The following PPARGC1B variants were observed in gnomAD, a reference collection of about 807,000 sequenced individuals.
The protein encoded by PPARGC1B is peroxisome proliferator-activated receptor gamma coactivator 1-beta.
A neutral mutation model predicts 101.6 loss-of-function variants in PPARGC1B; 34 were observed. The ratio of observed to expected loss-of-function variants is 0.33; its 90% CI spans 0.25 to 0.45. PPARGC1B has a LOEUF of 0.45. PPARGC1B is among the 20% of genes least tolerant of loss of function. The pLI, the probability that PPARGC1B is intolerant of heterozygous loss-of-function variation, is 1.00. For missense variants in PPARGC1B, 1,234 were observed against 1,317.6 expected (o/e 0.94, Z 0.98); for synonymous variants, 548 against 539.3 (o/e 1.02, Z -0.22).
rs533018193 is a variant in PPARGC1B, at chr5:149,826,860, C to A, written c.440C>A (p.Ala147Asp). 6.2e-6 allele frequency: 10 copies of A among 1,612,578 alleles called. No individual in the cohort carries two copies. In the African/African-American group the frequency reaches 1.3e-4, roughly 21 times the overall value. The change falls in exon 3 of 12, where the codon GCC becomes GAC. Residue 147 changes from alanine (A) to aspartate (D), a missense_variant. By Grantham distance (126) the Ala-to-Asp change is moderately radical (BLOSUM62 -2). Around this residue, in one of 3 missense-constraint regions of PPARGC1B, gnomAD observed 734 missense variants for 768.4 expected, o/e 0.96. Coordinates refer to ENST00000309241, the MANE Select transcript of PPARGC1B (RefSeq NM_133263.4). ...SPAPEKPSAP[A>D]PEVDELSLLQ... ...GCCCCGGAGAAGCCCTCGGCCCCAG[C>A]CCCTGAGGTGGACGAGCTCTCACTG... is the stretch of plus-strand genomic sequence containing the variant.
At position 149,837,800 on chromosome 5, in the gene PPARGC1B, A is replaced by G. The variant is rs1020586668; in HGVS notation, c.2618+727A>G. On this transcript the variant is annotated intron_variant, in intron 8 of 11. Coordinates refer to ENST00000309241, the MANE Select transcript of PPARGC1B (RefSeq NM_133263.4). The surrounding 1 kb of genome is among the most constrained non-coding windows in gnomAD (Gnocchi z 4.2). Reference sequence around the variant, plus strand: ...AGTGGGTCCTGATTCTCCCTGGGGAAGGCTTGAGGACAGTCAGTGTCATCA... The same window carrying G: ...AGTGGGTCCTGATTCTCCCTGGGGAGGGCTTGAGGACAGTCAGTGTCATCA... Among the ~76,000 whole-genome samples the G allele has an allele frequency of 6.6e-6, 1 of 152,174 alleles. No homozygotes were observed. The highest frequency in any genetic ancestry group is 2.4e-5 in the African/African-American group (1 of 41,440).
chr5:149,732,878 A>G (rs777841574), intron 1 of PPARGC1B: 2 of 468,966 alleles, frequency 4.3e-6, no homozygotes, highest in African/African-American at 2.0e-5. Context: ...CTGGACTTGG[A>G]GTCAGAAGGC....
At chr5:149,803,756 G>T (rs1224998982) in intron 1 of PPARGC1B, among the ~76,000 whole-genome samples, 1 of 152,202 alleles carries the variant, frequency 6.6e-6, no homozygotes, top group Non-Finnish European at 1.5e-5. Context: ...GAGAAGAAGG[G>T]AGTGTGGAAA....
chr5:149,835,472 G>A (rs372108586), intron 7 of PPARGC1B, 107 bp downstream of exon 7: 1 of 966,152 alleles, frequency 1.0e-6, no homozygotes. Flanking sequence ...CGATGCGCAA[G>A]ATGCCTGCCT....
At chr5:149,818,874 G>A (rs949201509) in intron 1 of PPARGC1B, 8 of 456,360 alleles carry the variant, frequency 1.8e-5, no homozygotes, top group Non-Finnish European at 2.6e-5. Context: ...TGTTGTCCAC[G>A]TTTTACAGAT....
chr5:149,856,771 CTT>C (rs562000427), downstream of PPARGC1B, among the ~76,000 whole-genome samples: 213 of 129,066 alleles, frequency 1.7e-3, no homozygotes, highest in African/African-American at 5.1e-3. Flanking sequence ...AGCTGCTTGG[CTT>C]TTTTTTTTTT....
At chr5:149,808,378 A>G (rs1561565518) in intron 1 of PPARGC1B, among the ~76,000 whole-genome samples, 1 of 152,024 alleles carries the variant, frequency 6.6e-6, no homozygotes, top group Non-Finnish European at 1.5e-5. Context: ...CTGAGAGTCA[A>G]GAGAGCAGCT....
intron 1 of PPARGC1B, among the ~76,000 whole-genome samples, chr5:149,778,401 T>G (rs1756473874): frequency 6.6e-6 from 1 of 151,726 alleles, no homozygotes; most frequent in South Asian, 2.1e-4. Flanking sequence ...CCAGAGAGAC[T>G]CCAGAGGCAG....
At chr5:149,782,957 G>A (rs149175948) in intron 1 of PPARGC1B, among the ~76,000 whole-genome samples, 1 of 152,336 alleles carries the variant, frequency 6.6e-6, no homozygotes, top group East Asian at 1.9e-4. Flanking sequence ...GGAAAAAAGG[G>A]CTTGTGTGAA....
At chr5:149,824,031 G>A (rs189856673) in intron 2 of PPARGC1B, among the ~76,000 whole-genome samples, 126 of 152,210 alleles carry the variant, frequency 8.3e-4, no homozygotes, top group African/African-American at 2.9e-3. Flanking sequence ...AGATTTCCTT[G>A]TGAGTGCCAA....
chr5:149,738,842 G>A (rs1207062449), intron 1 of PPARGC1B, among the ~76,000 whole-genome samples: 4 of 152,100 alleles, frequency 2.6e-5, no homozygotes, highest in East Asian at 1.9e-4. Flanking sequence ...TGATCCGCTC[G>A]CCTCGGCCTC....
At chr5:149,803,104 GC>G (rs1757485628) in intron 1 of PPARGC1B, among the ~76,000 whole-genome samples, 1 of 152,166 alleles carries the variant, frequency 6.6e-6, no homozygotes, top group African/African-American at 2.4e-5. Context: ...ATGTCTCAGG[GC>G]CCTGGTTGTC....
intron 1 of PPARGC1B, among the ~76,000 whole-genome samples, chr5:149,818,584 CTAA>C (rs1373679082): frequency 6.6e-6 from 1 of 152,160 alleles, no homozygotes; most frequent in Non-Finnish European, 1.5e-5. Flanking sequence ...TCAAGTTGAG[CTAA>C]TAATATACAT....
chr5:149,743,037 T>A (rs186844119), intron 1 of PPARGC1B, among the ~76,000 whole-genome samples: 24 of 152,232 alleles, frequency 1.6e-4, no homozygotes, highest in African/African-American at 5.8e-4. Context: ...GGGGAGAACA[T>A]CCATTTATTC....
chr5:149,806,944 A>G (rs932613924), intron 1 of PPARGC1B, among the ~76,000 whole-genome samples: 6 of 151,248 alleles, frequency 4.0e-5, no homozygotes, highest in Non-Finnish European at 7.4e-5. Context: ...TGTACCTAAC[A>G]TAAAATTTAC....
In PPARGC1B at chr5:149,833,729, G is replaced by T. The variant is rs756745180; in HGVS notation, c.1656G>T (p.Gly552=). ...CCCTGGAGAGCCCCTGTGAGAGTGG[G>T]TGTGGGGACATGGATGAGGACCCCA... ...IPALESPCES[G]CGDMDEDPSC... Residue 552 remains glycine (G), a synonymous_variant, in exon 5 of 12, where the codon GGG becomes GGT. Transcript: ENST00000309241. This position sits in a 1 kb window ranked among gnomAD's most constrained non-coding sequence, Gnocchi z 4.1. 2.5e-6 allele frequency: 4 copies of T among 1,589,152 alleles called. No individual in the cohort carries two copies. In the South Asian group the frequency reaches 4.6e-5, roughly 18 times the overall value.
At chr5:149,856,850 AAC>A (rs1309378145), downstream of PPARGC1B, among the ~76,000 whole-genome samples, 1 of 147,560 alleles carries the variant, frequency 6.8e-6, no homozygotes, top group Admixed American at 6.9e-5. Context: ...GGCTCACTGG[AAC>A]CTCTGCCTCC....
intron 9 of PPARGC1B, among the ~76,000 whole-genome samples, chr5:149,841,474 C>A (rs62382349): frequency 0.087 from 13,209 of 152,088 alleles, 1,050 homozygotes; most frequent in African/African-American, 0.21. Flanking sequence ...CATGTGTAGT[C>A]CGTGGGTGGG....
intron 1 of PPARGC1B, among the ~76,000 whole-genome samples, chr5:149,792,552 C>T (rs1007083472): frequency 1.2e-4 from 19 of 152,148 alleles, no homozygotes; most frequent in African/African-American, 3.9e-4. Context: ...GGCACTAGGA[C>T]GCTGGGATTC....
Sources: allele counts gnomAD v4.1 joint callset (sites outside exome capture counted in the v4.1 genomes callset), GRCh38; gene constraint gnomAD v4.1.1; regional missense constraint gnomAD v4.1.1; non-coding constraint Gnocchi (gnomAD v3.1); transcripts MANE v1.5; gene names NCBI Gene and HGNC (gene_info 2026-07-23, HGNC 2026-07-21).